Variants in PRPF40B observed in about 807,000 individuals in gnomAD.
PRPF40B encodes the protein pre-mRNA processing factor 40B.
PRPF40B carries 56 observed loss-of-function variants against 124.5 expected under a neutral mutation model. That is an observed-to-expected ratio of 0.45 (90% CI 0.36 to 0.56). PRPF40B has a LOEUF of 0.56. Ranked by LOEUF, PRPF40B falls within the 20% of genes least tolerant of loss-of-function variation. The probability of loss-of-function intolerance (pLI) is 0.00; values close to 1 mark genes in which losing one functional copy is unlikely to be tolerated. For synonymous variants in PRPF40B, 443 were observed against 426.4 expected, an observed-to-expected ratio of 1.04 and a Z score of -0.48; for missense variants, 1,053 against 1,169.5, an observed-to-expected ratio of 0.90 and a Z score of 1.45.
At chr12:49,634,720 A>G (rs1449155232) in intron 12 of PRPF40B, 118 bp downstream of exon 12, 1 of 1,333,476 alleles carries the variant, frequency 7.5e-7, no homozygotes, top group African/African-American at 1.5e-5. Context: ...ACAGTGATAG[A>G]TTGGGTTGGG....
rs1941392253 is a variant in PRPF40B, at chr12:49,633,017, G to T, written c.352G>T (p.Ala118Ser). The T allele has an allele frequency of 1.2e-6, 1 of 866,338 alleles. No individual in the cohort carries two copies. The highest frequency in any genetic ancestry group is 1.7e-6 in the Non-Finnish European group (1 of 595,928). The allele number at this position is 866,338 out of a possible 1,614,324, so 53.7% of individuals were successfully genotyped here. A position where few individuals can be genotyped will look rare whatever the true frequency, so the allele number is the denominator to read the frequency against. Residue 118 changes from alanine (A) to serine (S), a missense_variant, in exon 7 of 26, where the codon GCC becomes TCC. By Grantham distance (99) the Ala-to-Ser change is moderately conservative (BLOSUM62 1). This residue lies in a region of PRPF40B where 895 missense variants were observed against 1,052.2 expected (regional missense o/e 0.85). Coordinates refer to ENST00000548825, the MANE Select transcript of PRPF40B (RefSeq NM_001031698.3). Reference sequence around the variant, plus strand: ...CTGTGCCCCCCCCCCCACCCAGAGGGCCCTATGGAGTGAGCATGTGGCCCC... The same window carrying T: ...CTGTGCCCCCCCCCCCACCCAGAGGTCCCTATGGAGTGAGCATGTGGCCCC... ...SAVAGTGPPR[A>S]LWSEHVAPDG...
rs1430038714 is a variant in PRPF40B at position 49,643,888 on chromosome 12, G to C, written c.2470G>C (p.Glu824Gln). The C allele has an allele frequency of 1.2e-6, 2 of 1,614,224 alleles. No homozygotes were observed. Among genetic ancestry groups the C allele is most frequent in the Non-Finnish European group, 8.5e-7 (1 of 1,180,038 alleles). ...SNSPESETDP[E>Q]EKAGKESDEK... ...TAGTCCTGAGAGTGAGACAGACCCT[G>C]AGGAGAAAGCTGGCAAGGAGAGCGA... The change falls in exon 25 of 26, where the codon GAG becomes CAG. Residue 824 changes from glutamate (E) to glutamine (Q), a missense_variant. Around this residue, in one of 2 missense-constraint regions of PRPF40B, gnomAD observed 895 missense variants for 1,052.2 expected, o/e 0.85. Coordinates refer to ENST00000548825, the MANE Select transcript of PRPF40B (RefSeq NM_001031698.3).
intron 17 of PRPF40B, 63 bp from the exon 18 acceptor site, chr12:49,637,670 G>A (rs1280188153): frequency 2.6e-5 from 40 of 1,543,744 alleles, no homozygotes; most frequent in Middle Eastern, 2.2e-4. Flanking sequence ...TCCTGTCCTC[G>A]GCCCAGCCCC....
Position 49,631,854 on chromosome 12 carries a change from C to T in PRPF40B, c.229-6C>T. 1.9e-5 allele frequency: 31 copies of T among 1,613,608 alleles called. No homozygotes were observed. The highest frequency in any genetic ancestry group is 2.6e-5 in the Non-Finnish European group (31 of 1,179,514). On this transcript the variant is annotated splice_region_variant and splice_polypyrimidine_tract_variant and intron_variant, in intron 3 of 25. Transcript: ENST00000548825. The surrounding 1 kb of genome is among the most constrained non-coding windows in gnomAD (Gnocchi z 4.3). Reference sequence around the variant, plus strand: ...TGGTTGGTTTCTGTCTTCTTTGTATCCATAGATACCAGGAATGGTACCTCC... The same window carrying T: ...TGGTTGGTTTCTGTCTTCTTTGTATTCATAGATACCAGGAATGGTACCTCC...
upstream of PRPF40B, chr12:49,623,362 A>C: frequency 1.4e-5 from 3 of 210,718 alleles, no homozygotes; most frequent in East Asian, 1.2e-4. Context: ...CGGACCCGGG[A>C]CGCGGCGGCG....
intron 1 of PRPF40B, chr12:49,623,899 G>A (rs1940449100): frequency 8.6e-7 from 1 of 1,162,460 alleles, no homozygotes; most frequent in Non-Finnish European, 1.1e-6. Context: ...CGGGAAAGAA[G>A]AGAGAGGGCG....
chr12:49,638,441 C>A (rs1942148844), intron 18 of PRPF40B: 1 of 152,288 alleles, frequency 6.6e-6, no homozygotes, highest in African/African-American at 2.4e-5. Flanking sequence ...TCCTTCTCAC[C>A]ATTCCTTAGT....
Position 49,642,405 on chromosome 12 carries a change from C to T in PRPF40B, c.2022+33C>T. Reference sequence around the variant, plus strand: ...GCGTAGCCTGGCCCCAAGCACCCCTCAAGCCTGAGGGCAGCGGTGCTTCAC... The same window carrying T: ...GCGTAGCCTGGCCCCAAGCACCCCTTAAGCCTGAGGGCAGCGGTGCTTCAC... On this transcript the variant is annotated intron_variant, in intron 20 of 25. Coordinates refer to ENST00000548825, the MANE Select transcript of PRPF40B (RefSeq NM_001031698.3). This position sits in a 1 kb window ranked among gnomAD's most constrained non-coding sequence, Gnocchi z 5.8. The T allele has an allele frequency of 6.2e-7, 1 of 1,610,086 alleles. No individual in the cohort carries two copies.
intron 9 of PRPF40B, 111 bp from the exon 10 acceptor site, chr12:49,633,775 G>A (rs1048662532): frequency 3.2e-5 from 52 of 1,604,950 alleles, no homozygotes; most frequent in Non-Finnish European, 4.3e-5. Context: ...GTCTCCTTGT[G>A]GAGTCATCCC....
Position 49,643,947 on chromosome 12 carries a change from G to A in PRPF40B, c.2529G>A (p.Glu843=). 6.2e-7 allele frequency: 1 copy of A among 1,614,230 alleles called. No homozygotes were observed. The highest frequency in any genetic ancestry group is 8.5e-7 in the Non-Finnish European group (1 of 1,180,042). The part of the protein sequence containing the change: ...EKEQEQDKDR[E]LQQAELPNRS... ...AACAAGAACAGGACAAGGACAGGGA[G>A]CTCCAACAGGCAGAGCTCCCTAACC... is the stretch of plus-strand genomic sequence containing the variant. The change falls in exon 25 of 26, where the codon GAG becomes GAA. Residue 843 remains glutamate, a synonymous_variant. Coordinates refer to ENST00000548825, the MANE Select transcript of PRPF40B (RefSeq NM_001031698.3).
rs114259945 is a variant in PRPF40B, at chr12:49,632,412, C to T, written c.295-184C>T. ...GAGAACGAAGAATGGAGCTGCTATGCGATTCTCCCTTGGGATCCCAGAGCT... is the reference window on the plus strand; with the variant it reads ...GAGAACGAAGAATGGAGCTGCTATGTGATTCTCCCTTGGGATCCCAGAGCT... On this transcript the variant is annotated intron_variant, in intron 4 of 25. Coordinates refer to ENST00000548825, the MANE Select transcript of PRPF40B (RefSeq NM_001031698.3). 2,189 of 666,656 alleles carry T rather than the reference C, an allele frequency of 3.3e-3. 29 individuals are homozygous for T. Among genetic ancestry groups the T allele is most frequent in the African/African-American group, 0.032 (1,802 of 55,658 alleles). 41.3% of individuals were successfully genotyped at this position (666,656 alleles called of 1,614,324 possible).
At position 49,643,294 on chromosome 12, in the gene PRPF40B, C is replaced by A; in HGVS notation, c.2277C>A (p.Pro759=). Reference sequence around the variant, plus strand: ...CCCCCAAGCGGAGGAGGCGGAACCCCTCAGAGTCAGGCTCTGAGCCCTCTT... The same window carrying A: ...CCCCCAAGCGGAGGAGGCGGAACCCATCAGAGTCAGGCTCTGAGCCCTCTT... ...LRPPKRRRRN[P]SESGSEPSSS... is the part of the protein sequence containing the mutation. The change falls in exon 23 of 26, where the codon CCC becomes CCA. Residue 759 remains proline (P), a synonymous_variant. Coordinates refer to ENST00000548825, the MANE Select transcript of PRPF40B (RefSeq NM_001031698.3). The A allele has an allele frequency of 1.2e-6, 2 of 1,613,416 alleles. No individual in the cohort carries two copies. Among genetic ancestry groups the A allele is most frequent in the Non-Finnish European group, 1.7e-6 (2 of 1,179,802 alleles).
chr12:49,633,819 C>T (rs1435959343), intron 9 of PRPF40B, 67 bp from the exon 10 acceptor site: 6 of 1,607,520 alleles, frequency 3.7e-6, no homozygotes, highest in South Asian at 1.1e-5. Flanking sequence ...ATAGAGAAAC[C>T]AGCCAGCCCC....
chr12:49,631,757 G>A lies in PRPF40B; in HGVS notation c.229-103G>A. On this transcript the variant is annotated intron_variant, in intron 3 of 25. Transcript: ENST00000548825. The surrounding 1 kb of genome is among the most constrained non-coding windows in gnomAD (Gnocchi z 4.3). ...TGCCTGAGGAAGTGCCCAAGTGAGGGTCATGGCTCCAGTGAGATGTCTCAG... is the reference window on the plus strand; with the variant it reads ...TGCCTGAGGAAGTGCCCAAGTGAGGATCATGGCTCCAGTGAGATGTCTCAG... The A allele has an allele frequency of 7.6e-7, 1 of 1,315,824 alleles. No homozygotes were observed. The highest frequency in any genetic ancestry group is 1.1e-6 in the Non-Finnish European group (1 of 910,334). The allele number at this position is 1,315,824 out of a possible 1,614,324, so 81.5% of individuals were successfully genotyped here. A position where few individuals can be genotyped will look rare whatever the true frequency, so the allele number is the denominator to read the frequency against.
intron 18 of PRPF40B, chr12:49,639,462 C>T (rs1027485097): frequency 2.0e-5 from 3 of 152,222 alleles, no homozygotes; most frequent in Admixed American, 6.6e-5. Context: ...TGATCCTAGC[C>T]GGGGGCAGTG....
upstream of PRPF40B, chr12:49,623,397 G>T: frequency 8.5e-6 from 3 of 353,878 alleles, no homozygotes; most frequent in South Asian, 3.9e-4. Context: ...GGTTCTCCGT[G>T]CCGGGGGGGC....
At position 49,637,472 on chromosome 12, in the gene PRPF40B, C is replaced by G. The variant is rs1565838857; in HGVS notation, c.1563C>G (p.Thr521=). The G allele has an allele frequency of 6.2e-7, 1 of 1,612,748 alleles. No individual in the cohort carries two copies. ...QQRKNREAFQ[T]FLDELHETGQ... ...ATAACTGGCCTCTCCCTGCTCAGAC[C>G]TTCCTGGACGAGCTGCATGAGACAG... Residue 521 remains threonine (T), a splice_region_variant and synonymous_variant, in exon 17 of 26, where the codon ACC becomes ACG. Transcript: ENST00000548825.
rs1941998504 is a variant in PRPF40B at position 49,637,514 on chromosome 12, G to A, written c.1605G>A (p.Met535Ile). 2 of 1,613,720 alleles carry A rather than the reference G, an allele frequency of 1.2e-6. No homozygotes were observed. The highest frequency in any genetic ancestry group is 1.7e-6 in the Non-Finnish European group (2 of 1,180,034). The change falls in exon 17 of 26, where the codon ATG (methionine) becomes ATA (isoleucine). Residue 535 changes from methionine (M) to isoleucine (I), a missense_variant. By Grantham distance (10) the Met-to-Ile change is conservative. This residue lies in a region of PRPF40B where 895 missense variants were observed against 1,052.2 expected (regional missense o/e 0.85). Transcript: ENST00000548825. ...ATGAGACAGGGCAGCTGCACTCTAT[G>A]TCCACCTGGATGGAGCTATATCCAG... Reference protein sequence around the residue: ...ELHETGQLHSMSTWMELYPAV... With the variant: ...ELHETGQLHSISTWMELYPAV...
Position 49,635,284 on chromosome 12 carries a change from T to G in PRPF40B, c.1166+21T>G. ...TACCGGTCAGGGGGCCAGGCTGGGC[T>G]GGGACTTGGGAACCCTGAGAACACA... On this transcript the variant is annotated intron_variant, in intron 13 of 25. Coordinates refer to ENST00000548825, the MANE Select transcript of PRPF40B (RefSeq NM_001031698.3). The surrounding 1 kb of genome is among the most constrained non-coding windows in gnomAD (Gnocchi z 4.1). 1.2e-6 allele frequency: 2 copies of G among 1,610,620 alleles called. No individual in the cohort carries two copies. The highest frequency in any genetic ancestry group is 1.7e-6 in the Non-Finnish European group (2 of 1,178,252).
Sources: gnomAD v4.1 joint callset for allele counts on GRCh38, gnomAD v4.1.1 for gene constraint, gnomAD v4.1.1 regional missense constraint, Gnocchi (gnomAD v3.1) non-coding constraint, MANE v1.5 for transcripts, NCBI Gene and HGNC (gene_info 2026-07-23, HGNC 2026-07-21) for gene names.